Variants in MYRIP observed in about 807,000 individuals in gnomAD.
MYRIP encodes myosin VIIA and Rab interacting protein, also known as rab effector MyRIP.
MYRIP carries 49 observed loss-of-function variants against 98.0 expected under a neutral mutation model. The observed-to-expected ratio is 0.50, with a 90% CI of 0.40 to 0.63. The LOEUF (loss-of-function observed/expected upper bound fraction) is 0.63. MYRIP is among the 30% of genes least tolerant of loss of function. MYRIP has a pLI of 0.00. For synonymous variants in MYRIP, 404 were observed against 409.5 expected (o/e 0.99, Z 0.16); for missense variants, 1,004 against 1,058.2 (o/e 0.95, Z 0.71).
At chr3:40,111,151 C>T (rs1448922363) in intron 3 of MYRIP, among the ~76,000 whole-genome samples, 1 of 152,086 alleles carries the variant, frequency 6.6e-6, no homozygotes, top group East Asian at 1.9e-4. Flanking sequence ...TGCCGGTGGT[C>T]AGGGCTACAG....
In MYRIP at chr3:40,190,256, G is replaced by C; in HGVS notation, c.1458G>C (p.Glu486Asp). The change falls in exon 10 of 17, where the codon GAG (glutamate) becomes GAC (aspartate). Residue 486 changes from glutamate (E) to aspartate (D), a missense_variant. Glu to Asp is a conservative substitution (Grantham distance 45, BLOSUM62 2). Around this residue, in one of 3 missense-constraint regions of MYRIP, gnomAD observed 880 missense variants for 907.7 expected, o/e 0.97. Coordinates refer to ENST00000302541, the MANE Select transcript of MYRIP (RefSeq NM_015460.4). ...QRKAPRNPAA[E>D]KMRLHGELDV... ...AGGCCCCCAGGAACCCTGCAGCTGA[G>C]AAGATGCGCTTGCATGGAGAGCTGG... 6.2e-7 allele frequency: 1 copy of C among 1,614,106 alleles called. No homozygotes were observed.
chr3:40,064,655 C>T (rs989302981), intron 3 of MYRIP, among the ~76,000 whole-genome samples: 5 of 152,168 alleles, frequency 3.3e-5, no homozygotes, highest in African/African-American at 1.2e-4. Context: ...TCCTGGGATG[C>T]CTGGGTGAAG....
intron 3 of MYRIP, among the ~76,000 whole-genome samples, chr3:40,134,565 G>A (rs533912100): frequency 2.6e-5 from 4 of 152,370 alleles, no homozygotes. Context: ...CTTGAGATCT[G>A]AGAACAGGCA....
At chr3:39,950,700 G>T (rs1303773702) in intron 2 of MYRIP, among the ~76,000 whole-genome samples, 1 of 152,178 alleles carries the variant, frequency 6.6e-6, no homozygotes, top group Non-Finnish European at 1.5e-5. Flanking sequence ...AGAAGCTGCT[G>T]TTGAGGTCAA....
chr3:40,143,067 C>G (rs1284257266), intron 3 of MYRIP, among the ~76,000 whole-genome samples: 1 of 152,200 alleles, frequency 6.6e-6, no homozygotes, highest in Non-Finnish European at 1.5e-5. Context: ...GCTCTCCATT[C>G]CATCTCCTGA....
In MYRIP at chr3:40,044,159, CTCG is replaced by C. The variant is rs1385353906; in HGVS notation, c.223_225del (p.Val75del). ...GCGCTGCTGCTCGCCCTTCACCTTC[CTCG>C]TCAACACCAAGCGCCAGTGTGGAGA... On this transcript the variant is annotated inframe_deletion, in exon 3 of 17. Transcript: ENST00000302541. 3 of 1,614,152 alleles carry C rather than the reference CTCG, an allele frequency of 1.9e-6. No homozygotes were observed. The South Asian group carries it at 3.3e-5, about 18-fold the overall frequency.
intron 1 of MYRIP, among the ~76,000 whole-genome samples, chr3:39,863,432 C>T (rs985544071): frequency 6.7e-6 from 1 of 150,018 alleles, no homozygotes; most frequent in East Asian, 2.0e-4. Context: ...AAGAGAGGAT[C>T]CAAATAAACA....
intron 1 of MYRIP, among the ~76,000 whole-genome samples, chr3:39,877,422 T>C (rs1409338341): frequency 6.6e-6 from 1 of 152,108 alleles, no homozygotes; most frequent in African/African-American, 2.4e-5. Flanking sequence ...GGCGCTCTGC[T>C]TTTTAGAGTT....
At chr3:40,206,081 AG>A (rs1404778979) in intron 10 of MYRIP, among the ~76,000 whole-genome samples, 1 of 152,142 alleles carries the variant, frequency 6.6e-6, no homozygotes, top group Admixed American at 6.6e-5. Context: ...TGCATACCAA[AG>A]TTTGTGAACA....
At chr3:40,174,380 A>G (rs919671563) in intron 8 of MYRIP, 2 of 152,208 alleles carry the variant, frequency 1.3e-5, no homozygotes, top group Admixed American at 6.5e-5. Context: ...TTTGTCAACA[A>G]TATCAGGAAG....
intron 2 of MYRIP, among the ~76,000 whole-genome samples, chr3:40,005,431 G>A (rs1336184589): frequency 1.3e-5 from 2 of 152,204 alleles, no homozygotes; most frequent in African/African-American, 4.8e-5. Flanking sequence ...CAATTAATTA[G>A]GTCCATTCTC....
intron 2 of MYRIP, among the ~76,000 whole-genome samples, chr3:39,921,709 C>T (rs1172277597): frequency 6.6e-6 from 1 of 151,774 alleles, no homozygotes. Context: ...GGTGAAACCC[C>T]GTCTCTACTA....
At chr3:39,918,729 C>T (rs535082638) in intron 2 of MYRIP, among the ~76,000 whole-genome samples, 35 of 152,226 alleles carry the variant, frequency 2.3e-4, no homozygotes, top group African/African-American at 8.4e-4. Context: ...CTTGGGATTA[C>T]AGAAAGAATG....
At chr3:40,255,249 A>ACAGGACATGAATTGGTGGCTGCCAGAGG (rs1953537832) in intron 16 of MYRIP, among the ~76,000 whole-genome samples, 1 of 152,192 alleles carries the variant, frequency 6.6e-6, no homozygotes, top group Non-Finnish European at 1.5e-5. Flanking sequence ...TTTCATAGAG[A>ACAGGACATGAATTGGTGGCTGCCAGAGG]CAGGACATGA....
At chr3:39,889,853 G>A (rs1305965164) in intron 1 of MYRIP, among the ~76,000 whole-genome samples, 2 of 151,952 alleles carry the variant, frequency 1.3e-5, no homozygotes, top group Non-Finnish European at 2.9e-5. Context: ...ATCATCTCAT[G>A]TTTTCTTTTA....
At chr3:40,212,180 G>A (rs1289946730) in intron 11 of MYRIP, among the ~76,000 whole-genome samples, 43 of 3,988 alleles carry the variant, frequency 0.011, 11 homozygotes, top group Non-Finnish European at 0.031. Context: ...ATATATATAC[G>A]TGTATGTGTA....
intron 2 of MYRIP, among the ~76,000 whole-genome samples, chr3:39,987,400 T>A (rs1267846711): frequency 3.3e-5 from 5 of 152,206 alleles, no homozygotes; most frequent in South Asian, 4.1e-4. Flanking sequence ...CTTTATCCAG[T>A]TTATCATTGA....
Position 40,244,445 on chromosome 3 carries a change from G to A in MYRIP, c.2101-1G>A. On this transcript the variant is annotated splice_acceptor_variant, in intron 12 of 16. Coordinates refer to ENST00000302541, the MANE Select transcript of MYRIP (RefSeq NM_015460.4). LOFTEE classifies it high-confidence loss of function. ...ACTCAAATGTAGCACTGTCTCTACA[G>A]GTATACCTGGCAGCAGGCACTGTGT... 1.2e-6 allele frequency: 2 copies of A among 1,611,204 alleles called. No homozygotes were observed. The highest frequency in any genetic ancestry group is 1.7e-6 in the Non-Finnish European group (2 of 1,178,530).
chr3:40,126,810 G>T (rs149750449), intron 3 of MYRIP, among the ~76,000 whole-genome samples: 115 of 152,326 alleles, frequency 7.5e-4, no homozygotes, highest in Non-Finnish European at 1.4e-3. Flanking sequence ...TCACTAGGCA[G>T]AGTAGGAGCA....
Sources: gnomAD v4.1 joint callset for allele counts (sites outside exome capture counted in the v4.1 genomes callset) on GRCh38, gnomAD v4.1.1 for gene constraint, gnomAD v4.1.1 regional missense constraint, MANE v1.5 for transcripts, NCBI Gene and HGNC (gene_info 2026-07-23, HGNC 2026-07-21) for gene names.